PEDS1: variants seen among roughly 807,000 people sequenced by gnomAD.
PEDS1 encodes plasmanylethanolamine desaturase 1.
Under a neutral mutation model 35.2 loss-of-function variants are expected in PEDS1, and 14 were observed. The observed-to-expected ratio is 0.40, with a 90% CI of 0.26 to 0.62. PEDS1 has a LOEUF of 0.62. Among genes scored for constraint, PEDS1 ranks in the 20% least tolerant of loss-of-function variants. PEDS1 has a pLI of 0.44. For synonymous variants in PEDS1, 152 were observed against 152.0 expected, an observed-to-expected ratio of 1.00 and a Z score of 0.00; for missense variants, 260 against 367.8, an observed-to-expected ratio of 0.71 and a Z score of 2.40.
At chr20:50,132,217 A>G (rs1412733001) in intron 2 of PEDS1, among the ~76,000 whole-genome samples, 1 of 152,158 alleles carries the variant, frequency 6.6e-6, no homozygotes, top group Non-Finnish European at 1.5e-5. Flanking sequence ...AAATAAATAA[A>G]TAAAAGGGAA....
intron 1 of PEDS1, among the ~76,000 whole-genome samples, chr20:50,149,133 A>T (rs184720649): frequency 4.6e-5 from 7 of 152,184 alleles, no homozygotes; most frequent in Non-Finnish European, 1.0e-4. Context: ...AAACAAAAAA[A>T]CCGAAAGAAA....
chr20:50,129,649 T>C lies in PEDS1; in HGVS notation c.375A>G (p.Thr125=), dbSNP rs1359990807. The change falls in exon 4 of 6, where the codon ACA becomes ACG. Residue 125 remains threonine (T), a synonymous_variant. Transcript: ENST00000371652. This position sits in a 1 kb window ranked among gnomAD's most constrained non-coding sequence, Gnocchi z 4.2. ...CGATGAAGTCGTGCCGTGTGATAGC[T>C]GTCGGGTCAATGTGGTGCTCCCGGA... ...RPFREHHIDP[T]AITRHDFIET... 2 of 1,613,990 alleles carry C rather than the reference T, an allele frequency of 1.2e-6. No individual in the cohort carries two copies. The highest frequency in any genetic ancestry group is 1.7e-6 in the Non-Finnish European group (2 of 1,180,022).
At chr20:50,135,425 G>A (rs767972807) in intron 2 of PEDS1, among the ~76,000 whole-genome samples, 12 of 151,966 alleles carry the variant, frequency 7.9e-5, no homozygotes, top group African/African-American at 2.4e-4. Context: ...CTGGGAGGCC[G>A]AGGCAAGCGG....
chr20:50,141,789 G>A (rs1159609618), intron 2 of PEDS1, among the ~76,000 whole-genome samples: 2 of 152,222 alleles, frequency 1.3e-5, no homozygotes, highest in African/African-American at 4.8e-5. Context: ...AGCAATGGAT[G>A]GGTTCATCTC....
At chr20:50,138,522 G>T (rs937230384) in intron 2 of PEDS1, among the ~76,000 whole-genome samples, 1 of 152,262 alleles carries the variant, frequency 6.6e-6, no homozygotes, top group African/African-American at 2.4e-5. Context: ...GCTCTCTGCT[G>T]AGCCTCAGTC....
chr20:50,143,241 T>C (rs1167494762), intron 2 of PEDS1, among the ~76,000 whole-genome samples: 1 of 151,956 alleles, frequency 6.6e-6, no homozygotes. Flanking sequence ...AGTTTGAAAG[T>C]AGAGTTAACA....
intron 1 of PEDS1, among the ~76,000 whole-genome samples, chr20:50,150,881 A>T (rs1369056472): frequency 6.6e-6 from 1 of 152,030 alleles, no homozygotes; most frequent in African/African-American, 2.4e-5. Flanking sequence ...TTTTTAGTAG[A>T]GTCGGGGTTT....
chr20:50,121,034 T>A lies in PEDS1; in HGVS notation c.*4024A>T, dbSNP rs1279220465. 1 of 152,384 alleles carries A rather than the reference T, an allele frequency of 6.6e-6. No individual in the cohort carries two copies. Among genetic ancestry groups the A allele is most frequent in the Non-Finnish European group, 1.5e-5 (1 of 68,092 alleles). The allele number at this position is 152,384 out of a possible 1,614,324, so 9.4% of individuals were successfully genotyped here. A position where few individuals can be genotyped will look rare whatever the true frequency, so the allele number is the denominator to read the frequency against. The stretch of plus-strand genomic sequence containing the variant: ...CCACCACCAGACAGCAGCACATGCC[T>A]ACCTGAAACCAAGCCATCCCACAGC... On this transcript the variant is annotated 3_prime_UTR_variant, in exon 6 of 6. Transcript: ENST00000371652.
At chr20:50,125,785 G>A (rs1227370480) in intron 5 of PEDS1, among the ~76,000 whole-genome samples, 1 of 152,052 alleles carries the variant, frequency 6.6e-6, no homozygotes, top group African/African-American at 2.4e-5. Context: ...TAGAGACTAG[G>A]TTTCACCATG....
At chr20:50,136,138 C>T (rs749993934) in intron 2 of PEDS1, among the ~76,000 whole-genome samples, 4 of 152,268 alleles carry the variant, frequency 2.6e-5, no homozygotes, top group Non-Finnish European at 4.4e-5. Context: ...CTTATAACTA[C>T]CAGGCCCCGT....
chr20:50,130,570 A>C (rs1206829256), intron 3 of PEDS1, among the ~76,000 whole-genome samples: 1 of 152,250 alleles, frequency 6.6e-6, no homozygotes, highest in Non-Finnish European at 1.5e-5. Context: ...TAAAACAGCA[A>C]GAAGCAGCAG....
intron 1 of PEDS1, among the ~76,000 whole-genome samples, chr20:50,146,793 G>A (rs6020293): frequency 1.1e-4 from 16 of 152,300 alleles, no homozygotes; most frequent in African/African-American, 3.6e-4. Context: ...CATAGCAGAG[G>A]TCACAGGGGC....
Position 50,128,605 on chromosome 20 carries a change from A to G in PEDS1, c.479-418T>C, listed in dbSNP as rs1340779886. Among the ~76,000 whole-genome samples, 1 of 152,114 alleles carries G rather than the reference A, an allele frequency of 6.6e-6. No homozygotes were observed. The highest frequency in any genetic ancestry group is 1.5e-5 in the Non-Finnish European group (1 of 68,022). Reference sequence around the variant, plus strand: ...CGGAGCCTGAAACAGGTTCTTGTGCATGTGATTTATCAAGGGAGCCTCTTC... The same window carrying G: ...CGGAGCCTGAAACAGGTTCTTGTGCGTGTGATTTATCAAGGGAGCCTCTTC... On this transcript the variant is annotated intron_variant, in intron 4 of 5. Transcript: ENST00000371652. The surrounding 1 kb of genome is among the most constrained non-coding windows in gnomAD (Gnocchi z 5.2).
intron 2 of PEDS1, among the ~76,000 whole-genome samples, chr20:50,135,186 G>GAAAT (rs1215271534): frequency 6.6e-6 from 1 of 151,642 alleles, no homozygotes; most frequent in Non-Finnish European, 1.5e-5. Context: ...CTCCATCTCA[G>GAAAT]AAATAAATAA....
chr20:50,148,013 C>G (rs542321560), intron 1 of PEDS1, among the ~76,000 whole-genome samples: 2 of 152,246 alleles, frequency 1.3e-5, no homozygotes, highest in Non-Finnish European at 2.9e-5. Flanking sequence ...TCACGTGAAC[C>G]CAGGAGGCAG....
At chr20:50,142,678 A>C in intron 2 of PEDS1, among the ~76,000 whole-genome samples, 2 of 73,770 alleles carry the variant, frequency 2.7e-5, no homozygotes, top group African/African-American at 7.0e-5. Flanking sequence ...ACCTCAAGTC[A>C]TCCGCCCCCC....
intron 2 of PEDS1, among the ~76,000 whole-genome samples, chr20:50,134,803 G>A (rs778787346): frequency 1.3e-4 from 20 of 152,280 alleles, no homozygotes; most frequent in Non-Finnish European, 2.2e-4. Context: ...CTTTTTATGC[G>A]TAGACACACC....
Position 50,119,190 on chromosome 20 carries a change from G to A in PEDS1, c.*5868C>T, listed in dbSNP as rs2081030906. ...TCAAGCCTGTAATCCCAGCAGTTTG[G>A]GAGTCTGAGGCAGGAGGATTGCTTG... On this transcript the variant is annotated 3_prime_UTR_variant, in exon 6 of 6. Coordinates refer to ENST00000371652, the MANE Select transcript of PEDS1 (RefSeq NM_199129.4). 6.6e-6 allele frequency: 1 copy of A among 152,014 alleles called. No individual in the cohort carries two copies. The highest frequency in any genetic ancestry group is 1.5e-5 in the Non-Finnish European group (1 of 67,986). 9.4% of individuals were successfully genotyped at this position (152,014 alleles called of 1,614,324 possible).
chr20:50,153,485 C>G (rs1055659102), intron 1 of PEDS1, 32 bp downstream of exon 1: 7 of 1,321,028 alleles, frequency 5.3e-6, no homozygotes, highest in East Asian at 3.1e-5. Flanking sequence ...GGCTGGTGAC[C>G]GCAGGCCTGG....
Sources: allele counts gnomAD v4.1 joint callset (sites outside exome capture counted in the v4.1 genomes callset), GRCh38; gene constraint gnomAD v4.1.1; non-coding constraint Gnocchi (gnomAD v3.1); transcripts MANE v1.5; gene names NCBI Gene and HGNC (gene_info 2026-07-23, HGNC 2026-07-21).